Variants in EBLN2 observed in about 807,000 individuals in gnomAD.
EBLN2 encodes endogenous Bornavirus-like nucleoprotein 2.
For synonymous variants in EBLN2, 131 were observed against 113.6 expected, an observed-to-expected ratio of 1.15 and a Z score of -0.97; for missense variants, 397 against 324.2, an observed-to-expected ratio of 1.22 and a Z score of -1.72.
Position 73,061,872 on chromosome 3 carries a change from T to C in EBLN2, c.-210T>C. The C allele has an allele frequency of 2.0e-6, 1 of 488,922 alleles. No homozygotes were observed. The highest frequency in any genetic ancestry group is 4.1e-5 in the East Asian group (1 of 24,398). 30.3% of individuals were successfully genotyped at this position (488,922 alleles called of 1,614,324 possible). A position where few individuals can be genotyped will look rare whatever the true frequency, so the allele number is the denominator to read the frequency against. On this transcript the variant is annotated 5_prime_UTR_variant, in exon 1 of 1. Coordinates refer to ENST00000533473, the MANE Select transcript of EBLN2 (RefSeq NM_018029.4). ...ACCACCACACCCAGCCCAGTCAATTTGTTTTTAGAATGTTCCCAAGAATAT... is the reference window on the plus strand; with the variant it reads ...ACCACCACACCCAGCCCAGTCAATTCGTTTTTAGAATGTTCCCAAGAATAT...
Position 73,062,468 on chromosome 3 carries a change from G to T in EBLN2, c.387G>T (p.Leu129Phe), listed in dbSNP as rs367969878. ...FHPVTPSLVF[L>F]CFIFDGLHQA... ...CTGTGACCCCAAGTTTAGTATTCTT[G>T]TGTTTCATATTTGATGGGTTACACC... is the stretch of plus-strand genomic sequence containing the variant. Residue 129 changes from leucine to phenylalanine, a missense_variant, in exon 1 of 1, where the codon TTG becomes TTT. Leu to Phe is a conservative substitution (Grantham distance 22). Coordinates refer to ENST00000533473, the MANE Select transcript of EBLN2 (RefSeq NM_018029.4). The T allele has an allele frequency of 9.6e-5, 155 of 1,612,808 alleles. 1 individual carries two copies. The highest frequency in any genetic ancestry group is 1.3e-4 in the Non-Finnish European group (155 of 1,179,426).
Position 73,062,189 on chromosome 3 carries a change from A to AATT in EBLN2, c.110_112dup (p.Ile37dup). 6.4e-7 allele frequency: 1 copy of AATT among 1,565,024 alleles called. No individual in the cohort carries two copies. Among genetic ancestry groups the AATT allele is most frequent in the Non-Finnish European group, 8.6e-7 (1 of 1,159,576 alleles). ...CTTTTAGACCTATGATTCTTAACAA[A>AATT]ATTAAAGAATTAAGTCGGAACCAAT... is the stretch of plus-strand genomic sequence containing the variant. On this transcript the variant is annotated inframe_insertion, in exon 1 of 1. Coordinates refer to ENST00000533473, the MANE Select transcript of EBLN2 (RefSeq NM_018029.4).
At position 73,062,662 on chromosome 3, in the gene EBLN2, C is replaced by G; in HGVS notation, c.581C>G (p.Ala194Gly). Residue 194 changes from alanine (A) to glycine (G), a missense_variant, in exon 1 of 1, where the codon GCG becomes GGG. Physicochemically the swap from Ala to Gly is moderately conservative, Grantham distance 60. Coordinates refer to ENST00000533473, the MANE Select transcript of EBLN2 (RefSeq NM_018029.4). ...RHCCDLLIGI[A>G]AGSSDKICTS... ...TGCTGTGACCTTTTGATAGGCATTG[C>G]GGCTGGATCAAGTGATAAGATTTGC... 3 of 1,613,916 alleles carry G rather than the reference C, an allele frequency of 1.9e-6. No homozygotes were observed. The African/African-American group carries it at 4.0e-5, about 22-fold the overall frequency.
Position 73,063,160 on chromosome 3 carries a change from C to A in EBLN2, c.*260C>A. ...AAACTACTGGGCCAAGATGAGCAACCCCACATTTTTGGGATTTAAAGCTCC... is the reference window on the plus strand; with the variant it reads ...AAACTACTGGGCCAAGATGAGCAACACCACATTTTTGGGATTTAAAGCTCC... On this transcript the variant is annotated 3_prime_UTR_variant, in exon 1 of 1. Coordinates refer to ENST00000533473, the MANE Select transcript of EBLN2 (RefSeq NM_018029.4). 2.1e-6 allele frequency: 1 copy of A among 471,352 alleles called. No individual in the cohort carries two copies. 29.2% of individuals were successfully genotyped at this position (471,352 alleles called of 1,614,324 possible). A position where few individuals can be genotyped will look rare whatever the true frequency, so the allele number is the denominator to read the frequency against.
Position 73,061,749 on chromosome 3 carries a change from G to C in EBLN2, c.-333G>C, listed in dbSNP as rs1437980896. 8.4e-6 allele frequency: 2 copies of C among 238,782 alleles called. No individual in the cohort carries two copies. Among genetic ancestry groups the C allele is most frequent in the African/African-American group, 4.7e-5 (2 of 42,428 alleles). The allele number at this position is 238,782 out of a possible 1,614,324, so 14.8% of individuals were successfully genotyped here. A position where few individuals can be genotyped will look rare whatever the true frequency, so the allele number is the denominator to read the frequency against. ...TTTCATAGACTACTCTGTTACCCAGGCTGGAGTGCGGTGATGAGTGATCAT... is the reference window on the plus strand; with the variant it reads ...TTTCATAGACTACTCTGTTACCCAGCCTGGAGTGCGGTGATGAGTGATCAT... On this transcript the variant is annotated 5_prime_UTR_variant, in exon 1 of 1. Coordinates refer to ENST00000533473, the MANE Select transcript of EBLN2 (RefSeq NM_018029.4).
chr3:73,062,845 C>T lies in EBLN2; in HGVS notation c.764C>T (p.Thr255Ile). The T allele has an allele frequency of 6.2e-7, 1 of 1,613,852 alleles. No individual in the cohort carries two copies. The highest frequency in any genetic ancestry group is 8.5e-7 in the Non-Finnish European group (1 of 1,179,830). ...CCATGGGTTGGAGAATTAATGTTCA[C>T]ACTTCTATTTGGAGACTTTGAATCC... ...SRPWVGELMF[T>I]LLFGDFESPL... The change falls in exon 1 of 1, where the codon ACA (threonine) becomes ATA (isoleucine). Residue 255 changes from threonine to isoleucine, a missense_variant. Physicochemically the swap from Thr to Ile is moderately conservative, Grantham distance 89. Transcript: ENST00000533473.
rs1424772252 is a variant in EBLN2, at chr3:73,062,004, T to C, written c.-78T>C. Reference sequence around the variant, plus strand: ...AAAATTTCTTTTATGAAGCAAAATATGTTTTGTTTTGCTCATGAACGTGAG... The same window carrying C: ...AAAATTTCTTTTATGAAGCAAAATACGTTTTGTTTTGCTCATGAACGTGAG... On this transcript the variant is annotated 5_prime_UTR_variant, in exon 1 of 1. An upstream start codon of the reference 5' UTR is lost. Transcript: ENST00000533473. 9.7e-7 allele frequency: 1 copy of C among 1,027,312 alleles called. No individual in the cohort carries two copies. The highest frequency in any genetic ancestry group is 1.7e-5 in the South Asian group (1 of 57,460). 63.6% of individuals were successfully genotyped at this position (1,027,312 alleles called of 1,614,324 possible).
Position 73,062,706 on chromosome 3 carries a change from C to G in EBLN2, c.625C>G (p.Gln209Glu). 1.2e-6 allele frequency: 2 copies of G among 1,613,994 alleles called. No individual in the cohort carries two copies. Among genetic ancestry groups the G allele is most frequent in the Non-Finnish European group, 1.7e-6 (2 of 1,179,890 alleles). Residue 209 changes from glutamine to glutamate, a missense_variant, in exon 1 of 1, where the codon CAG becomes GAG. Coordinates refer to ENST00000533473, the MANE Select transcript of EBLN2 (RefSeq NM_018029.4). ...DKICTSSLQV[Q>E]RRFKAMMASI... ...GATTTGCACCAGCAGTCTCCAAGTT[C>G]AGAGACGATTCAAGGCAATGATGGC...
chr3:73,062,120 TCA>T, the EBLN2 span: 6 of 1,548,406 alleles, frequency 3.9e-6, no homozygotes, highest in African/African-American at 4.1e-5. Flanking sequence ...ATGTTAATTC[TCA>T]CAGTCTTTTT....
chr3:73,062,076 C>T lies in EBLN2; in HGVS notation c.-6C>T. 6.5e-7 allele frequency: 1 copy of T among 1,528,588 alleles called. No homozygotes were observed. The highest frequency in any genetic ancestry group is 2.3e-4 in the Middle Eastern group (1 of 4,292). The allele number at this position is 1,528,588 out of a possible 1,614,324, so 94.7% of individuals were successfully genotyped here. ...GAAGTGCAGAGTCAAGTCATAGCGA[C>T]TAATAATGGGTTATTTTCTTAAATT... On this transcript the variant is annotated 5_prime_UTR_variant, in exon 1 of 1. Coordinates refer to ENST00000533473, the MANE Select transcript of EBLN2 (RefSeq NM_018029.4).
Position 73,061,807 on chromosome 3 carries a change from C to A in EBLN2, c.-275C>A. On this transcript the variant is annotated 5_prime_UTR_variant, in exon 1 of 1. Transcript: ENST00000533473. ...TGCAGCCTTAAACTCTAGTGATCCT[C>A]CCGCCTTGGCCTTCCAAAGTGCTGA... 5.7e-6 allele frequency: 2 copies of A among 350,582 alleles called. No individual in the cohort carries two copies. Among genetic ancestry groups the A allele is most frequent in the South Asian group, 5.5e-5 (2 of 36,142 alleles). The allele number at this position is 350,582 out of a possible 1,614,324, so 21.7% of individuals were successfully genotyped here.
At position 73,063,163 on chromosome 3, in the gene EBLN2, A is replaced by C. The variant is rs575848491; in HGVS notation, c.*263A>C. The C allele has an allele frequency of 2.1e-6, 1 of 466,248 alleles. No homozygotes were observed. Among genetic ancestry groups the C allele is most frequent in the South Asian group, 2.6e-5 (1 of 37,982 alleles). The allele number at this position is 466,248 out of a possible 1,614,324, so 28.9% of individuals were successfully genotyped here. ...CTACTGGGCCAAGATGAGCAACCCC[A>C]CATTTTTGGGATTTAAAGCTCCTGA... On this transcript the variant is annotated 3_prime_UTR_variant, in exon 1 of 1. Transcript: ENST00000533473.
Position 73,062,377 on chromosome 3 carries a change from A to G in EBLN2, c.296A>G (p.Asp99Gly), listed in dbSNP as rs1458539882. Residue 99 changes from aspartate to glycine, a missense_variant, in exon 1 of 1, where the codon GAT becomes GGT. By Grantham distance (94) the Asp-to-Gly change is moderately conservative. Coordinates refer to ENST00000533473, the MANE Select transcript of EBLN2 (RefSeq NM_018029.4). ...DALEPQPSIG[D>G]IKDIKKAAKS... Reference sequence around the variant, plus strand: ...TTGGAACCCCAACCCAGCATTGGGGATATTAAGGACATTAAAAAAGCAGCC... The same window carrying G: ...TTGGAACCCCAACCCAGCATTGGGGGTATTAAGGACATTAAAAAAGCAGCC... The G allele has an allele frequency of 4.4e-6, 7 of 1,607,090 alleles. No individual in the cohort carries two copies. In the African/African-American group the frequency reaches 8.1e-5, roughly 19 times the overall value.
chr3:73,062,709 A>G lies in EBLN2; in HGVS notation c.628A>G (p.Arg210Gly). 1 of 1,614,000 alleles carries G rather than the reference A, an allele frequency of 6.2e-7. No homozygotes were observed. Among genetic ancestry groups the G allele is most frequent in the Non-Finnish European group, 8.5e-7 (1 of 1,179,892 alleles). Residue 210 changes from arginine (R) to glycine (G), a missense_variant, in exon 1 of 1, where the codon AGA becomes GGA. Arg to Gly is a moderately radical substitution (Grantham distance 125). Transcript: ENST00000533473. ...KICTSSLQVQ[R>G]RFKAMMASIG... ...TTGCACCAGCAGTCTCCAAGTTCAG[A>G]GACGATTCAAGGCAATGATGGCATC...
the EBLN2 span, chr3:73,062,815 C>G: frequency 1.2e-6 from 2 of 1,613,816 alleles, no homozygotes; most frequent in African/African-American, 1.3e-5. Context: ...TGGATCAGCT[C>G]AAGACCATGG....
In EBLN2 at chr3:73,062,366, C is replaced by T. The variant is rs1702881283; in HGVS notation, c.285C>T (p.Pro95=). ...CACTGGATGCATTGGAACCCCAACC[C>T]AGCATTGGGGATATTAAGGACATTA... ...QYPLDALEPQ[P]SIGDIKDIKK... The change falls in exon 1 of 1, where the codon CCC becomes CCT. Residue 95 remains proline (P), a synonymous_variant. Transcript: ENST00000533473. The T allele has an allele frequency of 1.9e-6, 3 of 1,606,550 alleles. No individual in the cohort carries two copies. Among genetic ancestry groups the T allele is most frequent in the African/African-American group, 2.7e-5 (2 of 74,458 alleles).
In EBLN2 at chr3:73,062,821, C is replaced by T. The variant is rs749067895; in HGVS notation, c.740C>T (p.Pro247Leu). 5.0e-6 allele frequency: 8 copies of T among 1,613,738 alleles called. No individual in the cohort carries two copies. In the Admixed American group the frequency reaches 8.3e-5, roughly 17 times the overall value. Residue 247 changes from proline to leucine, a missense_variant, in exon 1 of 1, where the codon CCA becomes CTA. By Grantham distance (98) the Pro-to-Leu change is moderately conservative. Coordinates refer to ENST00000533473, the MANE Select transcript of EBLN2 (RefSeq NM_018029.4). ...GCCATAGGTTGGATCAGCTCAAGAC[C>T]ATGGGTTGGAGAATTAATGTTCACA... is the stretch of plus-strand genomic sequence containing the variant. ...ESAIGWISSR[P>L]WVGELMFTLL...
Position 73,062,311 on chromosome 3 carries a change from T to C in EBLN2, c.230T>C (p.Phe77Ser), listed in dbSNP as rs200936131. ...RSGLPDLQGR[F>S]ELSGKNRQYP... is the part of the protein sequence containing the mutation. ...GGGCTCCCTGACCTTCAAGGAAGAT[T>C]TGAGCTATCTGGGAAAAACAGACAG... is the stretch of plus-strand genomic sequence containing the variant. Residue 77 changes from phenylalanine to serine, a missense_variant, in exon 1 of 1, where the codon TTT becomes TCT. Coordinates refer to ENST00000533473, the MANE Select transcript of EBLN2 (RefSeq NM_018029.4). 1.1e-5 allele frequency: 17 copies of C among 1,606,364 alleles called. No homozygotes were observed. In the South Asian group the frequency reaches 1.5e-4, roughly 14 times the overall value.
chr3:73,062,102 G>A lies in EBLN2; in HGVS notation c.21G>A (p.Leu7=). 6.5e-7 allele frequency: 1 copy of A among 1,542,706 alleles called. No individual in the cohort carries two copies. The highest frequency in any genetic ancestry group is 8.7e-7 in the Non-Finnish European group (1 of 1,145,264). Residue 7 remains leucine, a synonymous_variant, in exon 1 of 1, where the codon TTG becomes TTA. Transcript: ENST00000533473. MGYFLK[L]YAYVNSHSLF... ...TAATAATGGGTTATTTTCTTAAATT[G>A]TATGCTTATGTTAATTCTCACAGTC...
Sources: allele counts gnomAD v4.1 joint callset, GRCh38; gene constraint gnomAD v4.1.1; transcripts MANE v1.5; gene names NCBI Gene and HGNC (gene_info 2026-07-23, HGNC 2026-07-21).